The following BNC2 variants were observed in gnomAD, a reference collection of about 807,000 sequenced individuals.
The protein encoded by BNC2 is zinc finger protein basonuclin-2.
A neutral mutation model predicts 76.3 loss-of-function variants in BNC2; 20 were observed. That is an observed-to-expected ratio of 0.26 (90% CI 0.18 to 0.38). The LOEUF is 0.38. Among genes scored for constraint, BNC2 ranks in the 10% least tolerant of loss-of-function variants. The pLI is 1.00. For missense variants in BNC2, 1,382 were observed against 1,399.8 expected (o/e 0.99, Z 0.20); for synonymous variants, 582 against 514.8 (o/e 1.13, Z -1.77).
At chr9:16,595,484 T>C (rs1820040368) in intron 3 of BNC2, among the ~76,000 whole-genome samples, 1 of 152,120 alleles carries the variant, frequency 6.6e-6, no homozygotes, top group Non-Finnish European at 1.5e-5. Context: ...AGGCACATCT[T>C]GATTTTACCA....
intron 1 of BNC2, among the ~76,000 whole-genome samples, chr9:16,759,642 C>A (rs1316916832): frequency 1.3e-5 from 2 of 151,978 alleles, no homozygotes; most frequent in African/African-American, 4.8e-5. Context: ...TATTTTAAAT[C>A]TGTGAAGGCA....
chr9:16,682,651 A>G (rs1025219113), intron 3 of BNC2, among the ~76,000 whole-genome samples: 3 of 152,214 alleles, frequency 2.0e-5, no homozygotes, highest in East Asian at 1.9e-4. Context: ...ACGCATTCAC[A>G]TAAGAAAGGA....
At chr9:16,806,478 C>T (rs1001489008) in intron 1 of BNC2, among the ~76,000 whole-genome samples, 1 of 152,216 alleles carries the variant, frequency 6.6e-6, no homozygotes, top group African/African-American at 2.4e-5. Context: ...GGAATTTAAG[C>T]AAAGTTTAGC....
At chr9:16,738,513 C>T in intron 1 of BNC2, 28 bp from the exon 2 acceptor site, 1 of 1,612,694 alleles carries the variant, frequency 6.2e-7, no homozygotes, top group South Asian at 1.1e-5. Flanking sequence ...AAGGAAATTA[C>T]ATATGCCCAG....
At chr9:16,844,304 A>G (rs1416740) in intron 1 of BNC2, among the ~76,000 whole-genome samples, 148,784 of 151,934 alleles carry the variant, frequency 0.98, 72,932 homozygotes, top group Middle Eastern at 1. Flanking sequence ...CTATTAATAT[A>G]CCAACTGCAT....
intron 3 of BNC2, among the ~76,000 whole-genome samples, chr9:16,629,570 G>A (rs1322396204): frequency 6.6e-6 from 1 of 152,184 alleles, no homozygotes; most frequent in Non-Finnish European, 1.5e-5. Context: ...AGCACCAACA[G>A]TAGTGGGGAA....
intron 1 of BNC2, among the ~76,000 whole-genome samples, chr9:16,744,091 C>G (rs950167049): frequency 1.3e-5 from 2 of 152,106 alleles, no homozygotes; most frequent in African/African-American, 4.8e-5. Flanking sequence ...CTCAGCCTCC[C>G]GAGTAGCTAG....
chr9:16,753,619 C>A (rs58544132), intron 1 of BNC2, among the ~76,000 whole-genome samples: 7 of 152,088 alleles, frequency 4.6e-5, no homozygotes, highest in African/African-American at 1.7e-4. Flanking sequence ...ATCACACTGC[C>A]AACGGGTAAG....
intron 1 of BNC2, among the ~76,000 whole-genome samples, chr9:16,804,601 G>C (rs372990956): frequency 6.6e-6 from 1 of 152,310 alleles, no homozygotes; most frequent in South Asian, 2.1e-4. Context: ...GTTGTTTTTA[G>C]AGGATCTCTC....
At chr9:16,453,077 A>G (rs1343239781) in intron 5 of BNC2, among the ~76,000 whole-genome samples, 1 of 152,204 alleles carries the variant, frequency 6.6e-6, no homozygotes, top group Non-Finnish European at 1.5e-5. Flanking sequence ...AATGGGATTA[A>G]AAGTAACTAT....
chr9:16,615,165 G>C (rs761453283), intron 3 of BNC2, among the ~76,000 whole-genome samples: 6 of 152,032 alleles, frequency 3.9e-5, no homozygotes, highest in Non-Finnish European at 7.4e-5. Flanking sequence ...TTAACGAATG[G>C]TGGGCAGCTC....
chr9:16,728,089 T>G (rs1824403006), intron 2 of BNC2, 92 bp from the exon 3 acceptor site: 4 of 778,592 alleles, frequency 5.1e-6, no homozygotes, highest in Admixed American at 1.9e-5. Flanking sequence ...TGCATTTCAT[T>G]TGGGAAGGGG....
chr9:16,545,104 A>G (rs1201822467), intron 5 of BNC2, among the ~76,000 whole-genome samples: 2 of 152,204 alleles, frequency 1.3e-5, no homozygotes, highest in Non-Finnish European at 2.9e-5. Flanking sequence ...TCTTATTTAT[A>G]TCCAAGTACA....
At chr9:16,761,577 G>A (rs1057351948) in intron 1 of BNC2, among the ~76,000 whole-genome samples, 8 of 152,192 alleles carry the variant, frequency 5.3e-5, no homozygotes, top group Admixed American at 3.9e-4. Context: ...GGGAGAGGGA[G>A]TCAGAAAAGC....
intron 3 of BNC2, among the ~76,000 whole-genome samples, chr9:16,592,480 G>C (rs938930291): frequency 6.6e-6 from 1 of 152,154 alleles, no homozygotes; most frequent in South Asian, 2.1e-4. Context: ...ATGTTCAGAA[G>C]AGGGAAATAT....
Position 16,552,671 on chromosome 9 carries a change from G to C in BNC2, c.528C>G (p.Leu176=). 6.2e-7 allele frequency: 1 copy of C among 1,614,178 alleles called. No homozygotes were observed. Among genetic ancestry groups the C allele is most frequent in the Non-Finnish European group, 8.5e-7 (1 of 1,180,030 alleles). The change falls in exon 5 of 7, where the codon CTC becomes CTG. Residue 176 remains leucine, a synonymous_variant. Coordinates refer to ENST00000380672, the MANE Select transcript of BNC2 (RefSeq NM_017637.6). ...GCACAGGCACTGCTTGTGTCCCATAGAGCATCAGGCTGCTGATGTCAAACA... is the reference window on the plus strand; with the variant it reads ...GCACAGGCACTGCTTGTGTCCCATACAGCATCAGGCTGCTGATGTCAAACA... The part of the protein sequence containing the change: ...NVVFDISSLM[L]YGTQAVPVRL...
rs780975017 is a variant in BNC2, at chr9:16,419,305, C to T, written c.2984G>A (p.Gly995Glu). The change falls in exon 7 of 7, where the codon GGG (glycine) becomes GAG (glutamate). Residue 995 changes from glycine to glutamate, a missense_variant. Gly to Glu is a moderately conservative substitution (Grantham distance 98). This residue lies in a region of BNC2 where 798 missense variants were observed against 775.5 expected (regional missense o/e 1.03). Transcript: ENST00000380672. The stretch of plus-strand genomic sequence containing the variant: ...TGCCGACTCCCCACTGTCACTCGCC[C>T]CGTCAATGTCATCGAGAAGAATCCC... ...DEGILLDDIDGASDSGESAHK... is the reference protein window; with the variant it reads ...DEGILLDDIDEASDSGESAHK... 1 of 1,613,788 alleles carries T rather than the reference C, an allele frequency of 6.2e-7. No homozygotes were observed. Among genetic ancestry groups the T allele is most frequent in the Non-Finnish European group, 8.5e-7 (1 of 1,179,760 alleles).
intron 2 of BNC2, among the ~76,000 whole-genome samples, chr9:16,734,509 C>G (rs1372912358): frequency 6.6e-6 from 1 of 152,146 alleles, no homozygotes; most frequent in Non-Finnish European, 1.5e-5. Context: ...ACTCTACCTT[C>G]TCCAGATGGT....
At position 16,787,505 on chromosome 9, in the gene BNC2, T is replaced by A. The variant is rs1453430937; in HGVS notation, c.4-49020A>T. 2.0e-5 allele frequency among the ~76,000 whole-genome samples: 3 copies of A among 152,168 alleles called. No homozygotes were observed. In the East Asian group the frequency reaches 5.8e-4, roughly 29 times the overall value. ...TTACTTGACCTCTTTGTGCCTCAAT[T>A]TCCTCACTTGTAAGAGACAAGAATG... On this transcript the variant is annotated intron_variant, in intron 1 of 6. Coordinates refer to ENST00000380672, the MANE Select transcript of BNC2 (RefSeq NM_017637.6).
Sources: allele counts gnomAD v4.1 joint callset (sites outside exome capture counted in the v4.1 genomes callset), GRCh38; gene constraint gnomAD v4.1.1; regional missense constraint gnomAD v4.1.1; transcripts MANE v1.5; gene names NCBI Gene and HGNC (gene_info 2026-07-23, HGNC 2026-07-21).